SETD1A: variants seen among roughly 807,000 people sequenced by gnomAD.
The protein encoded by SETD1A is SET domain containing 1A, histone lysine methyltransferase.
In SETD1A, 29 loss-of-function variants were observed where a neutral mutation model predicts 149.9. The ratio of observed to expected loss-of-function variants is 0.19; its 90% CI spans 0.14 to 0.26. The LOEUF (loss-of-function observed/expected upper bound fraction) is 0.26, where lower values mean the gene tolerates loss of function less well. SETD1A is among the 10% of genes least tolerant of loss of function. The pLI is 1.00. For missense variants in SETD1A, 2,109 were observed against 2,353.1 expected, an observed-to-expected ratio of 0.90 and a Z score of 2.15; for synonymous variants, 1,141 against 968.5, an observed-to-expected ratio of 1.18 and a Z score of -3.31.
At chr16:30,981,410 C>T (rs2056376036) in intron 17 of SETD1A, among the ~76,000 whole-genome samples, 1 of 152,188 alleles carries the variant, frequency 6.6e-6, no homozygotes, top group African/African-American at 2.4e-5. Flanking sequence ...TAGTCTCTCT[C>T]TGTTGCCAGG....
At position 30,979,276 on chromosome 16, in the gene SETD1A, C is replaced by T. The variant is rs758900657; in HGVS notation, c.3490C>T (p.Arg1164Cys). 3.2e-6 allele frequency: 5 copies of T among 1,543,674 alleles called. No homozygotes were observed. The Middle Eastern group carries it at 5.3e-4, about 163-fold the overall frequency. Residue 1164 changes from arginine (R) to cysteine (C), a missense_variant, in exon 14 of 19, where the codon CGC (arginine) becomes TGC (cysteine). This residue lies in a region of SETD1A where 832 missense variants were observed against 815.6 expected (regional missense o/e 1.02). Coordinates refer to ENST00000262519, the MANE Select transcript of SETD1A (RefSeq NM_014712.3). ...PIPLLPPPKK[R>C]RKTVSFSAIE... ...CCCCCTCCTGCCCCCACCCAAGAAA[C>T]GCCGGAAAACTGTCTCCTTCTCTGC...
chr16:30,973,506 T>G (rs903465682), intron 13 of SETD1A, among the ~76,000 whole-genome samples: 3 of 151,926 alleles, frequency 2.0e-5, no homozygotes, highest in African/African-American at 7.3e-5. Context: ...AATACAAAAA[T>G]TAGCCAGATG....
At chr16:30,977,208 T>C (rs1397778387) in intron 13 of SETD1A, among the ~76,000 whole-genome samples, 1 of 152,202 alleles carries the variant, frequency 6.6e-6, no homozygotes, top group Non-Finnish European at 1.5e-5. Context: ...CCTCCCAAAG[T>C]GCTGGGATTA....
intron 6 of SETD1A, 116 bp from the exon 7 acceptor site, chr16:30,964,496 A>C: frequency 1.3e-6 from 2 of 1,510,416 alleles, no homozygotes; most frequent in Non-Finnish European, 1.8e-6. Flanking sequence ...TAGGAACCCA[A>C]CATATAGCTC....
chr16:30,981,153 C>T lies in SETD1A; in HGVS notation c.4785C>T (p.Ile1595=), dbSNP rs369099414. 12 of 1,614,054 alleles carry T rather than the reference C, an allele frequency of 7.4e-6. No individual in the cohort carries two copies. In the African/African-American group the frequency reaches 9.3e-5, roughly 13 times the overall value. ...CCATTGCTGCTGACGAGATGGTCAT[C>T]GAATACGTGGGTCAGAACATCCGTC... The part of the protein sequence containing the change: ...MEPIAADEMV[I]EYVGQNIRQM... The change falls in exon 17 of 19, where the codon ATC becomes ATT. Residue 1595 remains isoleucine, a synonymous_variant. Coordinates refer to ENST00000262519, the MANE Select transcript of SETD1A (RefSeq NM_014712.3).
chr16:30,965,374 C>G lies in SETD1A; in HGVS notation c.1632C>G (p.Ala544=). Reference sequence around the variant, plus strand: ...ATGGGCCCTGCACACCCCCTCCGGCCCCAGCTAATTTTGAGGATGTGGCAC... The same window carrying G: ...ATGGGCCCTGCACACCCCCTCCGGCGCCAGCTAATTTTGAGGATGTGGCAC... ...SGHGPCTPPP[A]PANFEDVAPT... is the part of the protein sequence containing the mutation. The change falls in exon 7 of 19, where the codon GCC becomes GCG. Residue 544 remains alanine (A), a synonymous_variant. Coordinates refer to ENST00000262519, the MANE Select transcript of SETD1A (RefSeq NM_014712.3). 6.2e-7 allele frequency: 1 copy of G among 1,611,170 alleles called. No homozygotes were observed. The highest frequency in any genetic ancestry group is 8.5e-7 in the Non-Finnish European group (1 of 1,177,594).
At position 30,980,214 on chromosome 16, in the gene SETD1A, C is replaced by T. The variant is rs1311992412; in HGVS notation, c.4408+20C>T. On this transcript the variant is annotated intron_variant, in intron 14 of 18. Transcript: ENST00000262519. The surrounding 1 kb of genome is among the most constrained non-coding windows in gnomAD (Gnocchi z 7.7). ...ACACAAATATCCTGAGTGTGGGCGG[C>T]CTTCCCCGGGCTTGGGTCCTCCCCC... is the stretch of plus-strand genomic sequence containing the variant. 1.1e-5 allele frequency: 18 copies of T among 1,577,340 alleles called. No homozygotes were observed. Among genetic ancestry groups the T allele is most frequent in the Non-Finnish European group, 1.6e-5 (18 of 1,159,888 alleles).
intron 8 of SETD1A, 69 bp from the exon 9 acceptor site, chr16:30,966,815 A>G (rs2056154005): frequency 1.4e-6 from 2 of 1,460,372 alleles, no homozygotes; most frequent in Non-Finnish European, 1.8e-6. Context: ...GGGGTCCGGG[A>G]GTAGGTCTCA....
chr16:30,970,054 G>T (rs962944781), intron 12 of SETD1A, among the ~76,000 whole-genome samples: 4 of 151,996 alleles, frequency 2.6e-5, no homozygotes, highest in Non-Finnish European at 5.9e-5. Flanking sequence ...TGCAACCTCC[G>T]CCTCCTGAGT....
chr16:30,964,398 CTG>C, intron 6 of SETD1A, 75 bp downstream of exon 6: 1 of 1,389,966 alleles, frequency 7.2e-7, no homozygotes, highest in Non-Finnish European at 1.0e-6. Flanking sequence ...TGCCCAGAGT[CTG>C]TCTCCAAGAG....
Position 30,964,806 on chromosome 16 carries a change from C to G in SETD1A, c.1064C>G (p.Ser355Trp). The G allele has an allele frequency of 6.2e-7, 1 of 1,614,172 alleles. No individual in the cohort carries two copies. Among genetic ancestry groups the G allele is most frequent in the Non-Finnish European group, 8.5e-7 (1 of 1,180,004 alleles). ...TCCTCCTCGTCATCCTCTTCCTCCT[C>G]GTCCTCTCAGTTTCGTAGTTCTGAT... ...SSSSSSSSSSSSSQFRSSDAN... is the reference protein window; with the variant it reads ...SSSSSSSSSSWSSQFRSSDAN... Residue 355 changes from serine (S) to tryptophan (W), a missense_variant, in exon 7 of 19, where the codon TCG becomes TGG. Ser to Trp is a radical substitution (Grantham distance 177). Coordinates refer to ENST00000262519, the MANE Select transcript of SETD1A (RefSeq NM_014712.3).
intron 1 of SETD1A, chr16:30,958,512 G>C: frequency 1.7e-6 from 1 of 579,316 alleles, no homozygotes; most frequent in South Asian, 2.1e-5. Flanking sequence ...GGGCCTGACA[G>C]TAGAGTTGGG....
At position 30,983,833 on chromosome 16, in the gene SETD1A, C is replaced by A; in HGVS notation, c.4951-17C>A. On this transcript the variant is annotated splice_polypyrimidine_tract_variant and intron_variant, in intron 18 of 18. Coordinates refer to ENST00000262519, the MANE Select transcript of SETD1A (RefSeq NM_014712.3). This position sits in a 1 kb window ranked among gnomAD's most constrained non-coding sequence, Gnocchi z 6.8. Reference sequence around the variant, plus strand: ...TCGGTGGGGGTGGCCACGGCTCACACGCCCTTCCATCCGCAGCCTAACTGC... The same window carrying A: ...TCGGTGGGGGTGGCCACGGCTCACAAGCCCTTCCATCCGCAGCCTAACTGC... 6.2e-7 allele frequency: 1 copy of A among 1,610,172 alleles called. No homozygotes were observed. Among genetic ancestry groups the A allele is most frequent in the African/African-American group, 1.3e-5 (1 of 75,022 alleles).
At position 30,980,675 on chromosome 16, in the gene SETD1A, G is replaced by A. The variant is rs918690609; in HGVS notation, c.4581+18G>A. ...ACACTCAGGTGGGCCTAACCCCGCC[G>A]CCGCGTCCTCCTGCCACTCACTTCC... On this transcript the variant is annotated intron_variant, in intron 15 of 18. Transcript: ENST00000262519. The surrounding 1 kb of genome is among the most constrained non-coding windows in gnomAD (Gnocchi z 7.7). 15 of 1,609,748 alleles carry A rather than the reference G, an allele frequency of 9.3e-6. No individual in the cohort carries two copies. Among genetic ancestry groups the A allele is most frequent in the East Asian group, 4.5e-5 (2 of 44,880 alleles).
intron 17 of SETD1A, 92 bp downstream of exon 17, chr16:30,981,272 G>A (rs2056374182): frequency 1.3e-6 from 2 of 1,525,020 alleles, no homozygotes; most frequent in Non-Finnish European, 8.9e-7. Flanking sequence ...TTAAAGCCTT[G>A]CACACTCCCT....
Position 30,979,711 on chromosome 16 carries a change from A to T in SETD1A, c.3925A>T (p.Thr1309Ser). The T allele has an allele frequency of 1.2e-6, 2 of 1,601,826 alleles. No homozygotes were observed. Among genetic ancestry groups the T allele is most frequent in the Non-Finnish European group, 1.7e-6 (2 of 1,178,696 alleles). ...CAACTATGCCCTGGCCGTCAAGCCC[A>T]CGCCCCCTGCGCCAGCCCTGCGGCC... ...EHNYALAVKP[T>S]PPAPALRPPE... The change falls in exon 14 of 19, where the codon ACG becomes TCG. Residue 1309 changes from threonine to serine, a missense_variant. Thr to Ser is a moderately conservative substitution (Grantham distance 58). Transcript: ENST00000262519.
Position 30,984,277 on chromosome 16 carries a change from C to T in SETD1A, c.*254C>T. 1 of 508,822 alleles carries T rather than the reference C, an allele frequency of 2.0e-6. No homozygotes were observed. Among genetic ancestry groups the T allele is most frequent in the South Asian group, 2.3e-5 (1 of 43,840 alleles). The allele number at this position is 508,822 out of a possible 1,614,324, so 31.5% of individuals were successfully genotyped here. A position where few individuals can be genotyped will look rare whatever the true frequency, so the allele number is the denominator to read the frequency against. On this transcript the variant is annotated 3_prime_UTR_variant, in exon 19 of 19. Coordinates refer to ENST00000262519, the MANE Select transcript of SETD1A (RefSeq NM_014712.3). ...GCTGTAAATGTTTTGTAGCAGCCAG[C>T]AGCTGTTTCCTGTGGAAACCTGGGG...
In SETD1A at chr16:30,965,644, A is replaced by G; in HGVS notation, c.1763A>G (p.Asp588Gly). ...SSGDDMEISDDDRGGSPPPAP... is the reference protein window; with the variant it reads ...SSGDDMEISDGDRGGSPPPAP... The stretch of plus-strand genomic sequence containing the variant: ...GGAGACGACATGGAGATCTCCGACG[A>G]CGACCGGGGTGGCTCACCCCCTCCG... The change falls in exon 8 of 19, where the codon GAC (aspartate) becomes GGC (glycine). Residue 588 changes from aspartate to glycine, a missense_variant. Asp to Gly is a moderately conservative substitution (Grantham distance 94). This residue lies in a region of SETD1A where 431 missense variants were observed against 388.6 expected (regional missense o/e 1.11). Transcript: ENST00000262519. 6.2e-7 allele frequency: 1 copy of G among 1,610,786 alleles called. No homozygotes were observed. The highest frequency in any genetic ancestry group is 8.5e-7 in the Non-Finnish European group (1 of 1,179,100).
chr16:30,969,811 A>G lies in SETD1A; in HGVS notation c.3016+122A>G, dbSNP rs1160777450. On this transcript the variant is annotated intron_variant, in intron 12 of 18. Transcript: ENST00000262519. ...TTGTGGGTCACCTTTGCCTTCTGCA[A>G]GGGCATCTGTTTGGGCCACATTCTT... 1.0e-5 allele frequency: 8 copies of G among 774,472 alleles called. No homozygotes were observed. In the East Asian group the frequency reaches 1.8e-4, roughly 17 times the overall value. The allele number at this position is 774,472 out of a possible 1,614,324, so 48.0% of individuals were successfully genotyped here. A position where few individuals can be genotyped will look rare whatever the true frequency, so the allele number is the denominator to read the frequency against.
Sources: allele counts gnomAD v4.1 joint callset (sites outside exome capture counted in the v4.1 genomes callset), GRCh38; gene constraint gnomAD v4.1.1; regional missense constraint gnomAD v4.1.1; non-coding constraint Gnocchi (gnomAD v3.1); transcripts MANE v1.5; gene names NCBI Gene and HGNC (gene_info 2026-07-23, HGNC 2026-07-21).